The following ARID1B variants were observed in gnomAD, a reference collection of about 807,000 sequenced individuals.
ARID1B encodes the protein AT-rich interaction domain 1B.
ARID1B carries 30 observed loss-of-function variants against 212.3 expected under a neutral mutation model. The observed-to-expected ratio is 0.14, with a 90% CI of 0.11 to 0.19. ARID1B has a LOEUF of 0.19. ARID1B is among the 10% of genes least tolerant of loss of function. The pLI, the probability that ARID1B is intolerant of heterozygous loss-of-function variation, is 1.00. For missense variants in ARID1B, 2,891 were observed against 3,204.0 expected (o/e 0.90, Z 2.36); for synonymous variants, 1,402 against 1,301.7 (o/e 1.08, Z -1.66).
intron 4 of ARID1B, among the ~76,000 whole-genome samples, chr6:157,029,763 G>A (rs762517982): frequency 1.1e-4 from 16 of 152,188 alleles, no homozygotes; most frequent in East Asian, 1.9e-4. Flanking sequence ...GAAGAGCAGC[G>A]GGTGGCAGGA....
At chr6:157,013,215 G>A (rs1048608801) in intron 4 of ARID1B, among the ~76,000 whole-genome samples, 1 of 152,232 alleles carries the variant, frequency 6.6e-6, no homozygotes, top group Non-Finnish European at 1.5e-5. Flanking sequence ...TGCCGCTCTA[G>A]TGCTGCCTAA....
In ARID1B at chr6:156,829,613, G is replaced by A. The variant is rs1783004112; in HGVS notation, c.1986+192G>A. ...AAGATGGAAAGGTGAGCTTCTTAAA[G>A]TGGACAGAATACCTGTTTGGTAGAA... is the stretch of plus-strand genomic sequence containing the variant. On this transcript the variant is annotated intron_variant, in intron 2 of 19. Coordinates refer to ENST00000636930, the MANE Select transcript of ARID1B (RefSeq NM_001374828.1). 3 of 621,958 alleles carry A rather than the reference G, an allele frequency of 4.8e-6. No individual in the cohort carries two copies. The Admixed American group carries it at 9.9e-5, about 20-fold the overall frequency. The allele number at this position is 621,958 out of a possible 1,614,324, so 38.5% of individuals were successfully genotyped here.
chr6:156,927,116 C>A (rs1271239439), intron 3 of ARID1B, among the ~76,000 whole-genome samples: 7 of 152,130 alleles, frequency 4.6e-5, no homozygotes, highest in Non-Finnish European at 1.0e-4. Context: ...ATTCAAATTT[C>A]CAATAATCTC....
At chr6:157,205,482 G>A (rs756612288) in intron 19 of ARID1B, 6 of 151,852 alleles carry the variant, frequency 4.0e-5, no homozygotes, top group Non-Finnish European at 7.4e-5. Context: ...CTCTCATAGT[G>A]GTTTTTGCCT....
At chr6:156,784,951 G>A (rs911983398) in intron 1 of ARID1B, among the ~76,000 whole-genome samples, 8 of 152,074 alleles carry the variant, frequency 5.3e-5, no homozygotes, top group Non-Finnish European at 8.8e-5. Flanking sequence ...GTAGAGATGG[G>A]GTTTCGCCAT....
At chr6:157,100,664 G>C (rs1785993832) in intron 5 of ARID1B, among the ~76,000 whole-genome samples, 1 of 152,194 alleles carries the variant, frequency 6.6e-6, no homozygotes. Flanking sequence ...GTATTATGCA[G>C]GTTTTTAAAG....
chr6:156,975,790 T>C (rs1777200282), intron 4 of ARID1B, among the ~76,000 whole-genome samples: 1 of 152,134 alleles, frequency 6.6e-6, no homozygotes, highest in South Asian at 2.1e-4. Context: ...CAGTGGTGCA[T>C]GTCACGAGCG....
intron 4 of ARID1B, among the ~76,000 whole-genome samples, chr6:157,004,912 T>TTG (rs1562542370): frequency 2.6e-5 from 3 of 113,448 alleles, no homozygotes; most frequent in Non-Finnish European, 5.4e-5. Flanking sequence ...TTTTTTTTTT[T>TTG]TTTTTTTTTT....
At chr6:156,990,501 C>T (rs1028836069) in intron 4 of ARID1B, among the ~76,000 whole-genome samples, 1 of 151,980 alleles carries the variant, frequency 6.6e-6, no homozygotes, top group Non-Finnish European at 1.5e-5. Context: ...ATTAGCTGGG[C>T]GTGGTATCAT....
chr6:157,103,821 A>G (rs1786260278), intron 5 of ARID1B, among the ~76,000 whole-genome samples: 2 of 148,892 alleles, frequency 1.3e-5, no homozygotes, highest in Non-Finnish European at 2.9e-5. Flanking sequence ...AGTTGGTTCA[A>G]TATTAACAAC....
At chr6:157,005,969 A>G (rs1379781235) in intron 4 of ARID1B, among the ~76,000 whole-genome samples, 1 of 151,788 alleles carries the variant, frequency 6.6e-6, no homozygotes, top group African/African-American at 2.4e-5. Flanking sequence ...TTATATATTC[A>G]CGTTTTCTCC....
At chr6:156,834,908 C>T (rs938648758) in intron 2 of ARID1B, among the ~76,000 whole-genome samples, 10 of 152,138 alleles carry the variant, frequency 6.6e-5, no homozygotes, top group Non-Finnish European at 4.4e-5. Flanking sequence ...GCTGTGATGC[C>T]AAAGCTCCCT....
chr6:157,128,740 C>T (rs982982324), intron 6 of ARID1B, among the ~76,000 whole-genome samples: 7 of 152,024 alleles, frequency 4.6e-5, no homozygotes, highest in African/African-American at 1.2e-4. Flanking sequence ...AAGAGGCAAA[C>T]GATATAAACA....
intron 4 of ARID1B, among the ~76,000 whole-genome samples, chr6:156,950,056 G>C (rs1793460398): frequency 6.6e-6 from 1 of 152,222 alleles, no homozygotes; most frequent in African/African-American, 2.4e-5. Context: ...TGTGATGTTA[G>C]TGACTAGTGT....
intron 1 of ARID1B, among the ~76,000 whole-genome samples, chr6:156,814,463 A>G (rs183105376): frequency 1.2e-4 from 19 of 152,292 alleles, no homozygotes; most frequent in Admixed American, 6.5e-4. Context: ...TTTTAAGTTC[A>G]AGGTGTCTTA....
chr6:156,856,670 A>T (rs1035637593), intron 2 of ARID1B, among the ~76,000 whole-genome samples: 1 of 109,808 alleles, frequency 9.1e-6, no homozygotes, highest in Non-Finnish European at 2.0e-5. Context: ...GGGCATGCAT[A>T]TCCTCTCTCT....
At chr6:157,202,494 T>G (rs555405758) in intron 18 of ARID1B, among the ~76,000 whole-genome samples, 1 of 152,200 alleles carries the variant, frequency 6.6e-6, no homozygotes, top group Admixed American at 6.5e-5. Flanking sequence ...GAGACCACCC[T>G]TGGACAACCT....
At chr6:157,021,917 T>G (rs1385942857) in intron 4 of ARID1B, among the ~76,000 whole-genome samples, 1 of 152,188 alleles carries the variant, frequency 6.6e-6, no homozygotes, top group Admixed American at 6.5e-5. Context: ...CCCTAACCTC[T>G]GCGTCCCGCG....
chr6:156,935,337 C>T lies in ARID1B; in HGVS notation c.2137-129C>T, dbSNP rs867154793. The stretch of plus-strand genomic sequence containing the variant: ...TCAAGCGATCTGCCTGCCTTGATCT[C>T]CCGAAGTGCTGGGATTACAGGCATG... On this transcript the variant is annotated intron_variant, in intron 3 of 19. Transcript: ENST00000636930. The T allele has an allele frequency of 1.3e-4, 97 of 736,002 alleles. 1 individual carries two copies. In the Middle Eastern group the frequency reaches 2.3e-3, roughly 17 times the overall value. 45.6% of individuals were successfully genotyped at this position (736,002 alleles called of 1,614,324 possible).
Sources: gnomAD v4.1 joint callset for allele counts (sites outside exome capture counted in the v4.1 genomes callset) on GRCh38, gnomAD v4.1.1 for gene constraint, MANE v1.5 for transcripts, NCBI Gene and HGNC (gene_info 2026-07-23, HGNC 2026-07-21) for gene names.